The following CACNB2 variants were observed in gnomAD, a reference collection of about 807,000 sequenced individuals.
CACNB2 encodes calcium voltage-gated channel auxiliary subunit beta 2.
In CACNB2, 42 loss-of-function variants were observed where a neutral mutation model predicts 73.3. That is an observed-to-expected ratio of 0.57 (90% CI 0.45 to 0.74). The LOEUF is 0.74. Ranked by LOEUF, CACNB2 falls within the 30% of genes least tolerant of loss-of-function variation. The pLI, the probability that CACNB2 is intolerant of heterozygous loss-of-function variation, is 0.00. For missense variants in CACNB2, 940 were observed against 853.0 expected (o/e 1.10, Z -1.27); for synonymous variants, 348 against 310.3 (o/e 1.12, Z -1.28).
At chr10:18,533,320 A>G (rs1375190613) in intron 10 of CACNB2, 5 of 152,246 alleles carry the variant, frequency 3.3e-5, no homozygotes, top group Admixed American at 6.5e-5. Context: ...ACGCTGGACC[A>G]CATACAGAGA....
At chr10:18,450,355 T>A (rs1001404686) in intron 3 of CACNB2, among the ~76,000 whole-genome samples, 1 of 152,102 alleles carries the variant, frequency 6.6e-6, no homozygotes, top group South Asian at 2.1e-4. Flanking sequence ...TTGCTAAATA[T>A]CTTGTATGCA....
intron 2 of CACNB2, among the ~76,000 whole-genome samples, chr10:18,385,889 T>C (rs959578320): frequency 2.6e-5 from 4 of 152,206 alleles, no homozygotes; most frequent in African/African-American, 9.7e-5. Context: ...CTGATAGTTA[T>C]GTTATTCAAA....
chr10:18,281,463 C>T (rs1436106048), intron 2 of CACNB2, among the ~76,000 whole-genome samples: 1 of 152,304 alleles, frequency 6.6e-6, no homozygotes, highest in East Asian at 1.9e-4. Context: ...TGAATGTGAA[C>T]ACTGAAGCTA....
chr10:18,321,848 G>A (rs2040408560), intron 2 of CACNB2, among the ~76,000 whole-genome samples: 2 of 152,174 alleles, frequency 1.3e-5, no homozygotes, highest in South Asian at 2.1e-4. Context: ...TTCATGGGTT[G>A]TTGGTAGGGA....
intron 2 of CACNB2, among the ~76,000 whole-genome samples, chr10:18,207,619 A>T (rs2035150348): frequency 6.6e-6 from 1 of 152,192 alleles, no homozygotes; most frequent in African/African-American, 2.4e-5. Context: ...CTGTAATGTA[A>T]ACACCTGCAG....
At chr10:18,285,174 CTGTATTCCTGTCTT>C (rs2038733107) in intron 2 of CACNB2, among the ~76,000 whole-genome samples, 1 of 152,188 alleles carries the variant, frequency 6.6e-6, no homozygotes, top group Non-Finnish European at 1.5e-5. Flanking sequence ...GCCATATACC[CTGTATTCCTGTCTT>C]TGTACAGTCC....
chr10:18,522,966 A>T (rs558702070), intron 9 of CACNB2, among the ~76,000 whole-genome samples: 1 of 151,638 alleles, frequency 6.6e-6, no homozygotes, highest in East Asian at 1.9e-4. Flanking sequence ...AAAAACTATT[A>T]TAAGTTTCAA....
At chr10:18,306,185 T>C (rs1334955568) in intron 2 of CACNB2, among the ~76,000 whole-genome samples, 1 of 151,868 alleles carries the variant, frequency 6.6e-6, no homozygotes, top group Non-Finnish European at 1.5e-5. Flanking sequence ...TGCAGTGAGT[T>C]ATAAGGAGCG....
chr10:18,465,064 T>A (rs1295005775), intron 3 of CACNB2, among the ~76,000 whole-genome samples: 1 of 152,176 alleles, frequency 6.6e-6, no homozygotes, highest in Non-Finnish European at 1.5e-5. Flanking sequence ...GCATGGTGGC[T>A]CACGCCTGTA....
intron 3 of CACNB2, among the ~76,000 whole-genome samples, chr10:18,459,335 G>A (rs1440949827): frequency 6.6e-6 from 1 of 152,064 alleles, no homozygotes; most frequent in Non-Finnish European, 1.5e-5. Flanking sequence ...CTATCCTTTG[G>A]AACAATTTTG....
intron 3 of CACNB2, among the ~76,000 whole-genome samples, chr10:18,492,620 C>CAAAAAAAAAAAA (rs371407084): frequency 1.1e-5 from 1 of 90,460 alleles, no homozygotes; most frequent in African/African-American, 4.5e-5. Flanking sequence ...GACTCTGTCT[C>CAAAAAAAAAAAA]AAAAAAAAAA....
intron 12 of CACNB2, 151 bp from the exon 13 acceptor site, chr10:18,538,029 T>C (rs1026136271): frequency 2.6e-6 from 2 of 763,990 alleles, no homozygotes; most frequent in Non-Finnish European, 4.6e-6. Flanking sequence ...ACTTCCTAAC[T>C]AAATAAAAAG....
intron 2 of CACNB2, among the ~76,000 whole-genome samples, chr10:18,325,307 A>C (rs11013615): frequency 0.046 from 7,026 of 152,230 alleles, 213 homozygotes; most frequent in Admixed American, 0.11. Context: ...CTTGTGCCTC[A>C]GCCTCTCAGG....
At chr10:18,144,102 G>T (rs1443557618) in intron 1 of CACNB2, among the ~76,000 whole-genome samples, 2 of 152,120 alleles carry the variant, frequency 1.3e-5, no homozygotes, top group East Asian at 1.9e-4. Flanking sequence ...TTTTGAAACG[G>T]AGTCTCACCC....
chr10:18,461,826 G>A (rs1298329454), intron 3 of CACNB2, among the ~76,000 whole-genome samples: 1 of 127,298 alleles, frequency 7.9e-6, no homozygotes, highest in Non-Finnish European at 1.5e-5. Context: ...TCCTCGAACA[G>A]TATGAGTGGG....
intron 1 of CACNB2, among the ~76,000 whole-genome samples, chr10:18,146,565 C>T (rs539893360): frequency 6.6e-6 from 1 of 152,094 alleles, no homozygotes; most frequent in South Asian, 2.1e-4. Flanking sequence ...GCAACCTCCA[C>T]CTCCTGGGTT....
intron 2 of CACNB2, among the ~76,000 whole-genome samples, chr10:18,325,329 A>G (rs2040539832): frequency 6.6e-6 from 1 of 152,052 alleles, no homozygotes; most frequent in African/African-American, 2.4e-5. Context: ...AGCTGGGACT[A>G]CAGGCATGCA....
At chr10:18,482,754 C>T (rs1343895507) in intron 3 of CACNB2, among the ~76,000 whole-genome samples, 1 of 152,152 alleles carries the variant, frequency 6.6e-6, no homozygotes, top group South Asian at 2.1e-4. Context: ...TCAGGTGATC[C>T]GCCCACCTCA....
intron 3 of CACNB2, among the ~76,000 whole-genome samples, chr10:18,457,572 A>C (rs1051603927): frequency 2.0e-5 from 3 of 152,170 alleles, no homozygotes; most frequent in African/African-American, 7.2e-5. Flanking sequence ...GCAGTCTTTT[A>C]CATTAACTTT....
Sources: gnomAD v4.1 joint callset for allele counts (sites outside exome capture counted in the v4.1 genomes callset) on GRCh38, gnomAD v4.1.1 for gene constraint, MANE v1.5 for transcripts, NCBI Gene and HGNC (gene_info 2026-07-23, HGNC 2026-07-21) for gene names.